The following CNTN5 variants were observed in gnomAD, a reference collection of about 807,000 sequenced individuals.
CNTN5 encodes the protein contactin-5.
In CNTN5, 77 loss-of-function variants were observed where a neutral mutation model predicts 129.1. The ratio of observed to expected loss-of-function variants is 0.60; its 90% CI spans 0.50 to 0.72. The LOEUF (loss-of-function observed/expected upper bound fraction) is 0.72. Among genes scored for constraint, CNTN5 ranks in the 30% least tolerant of loss-of-function variants. The pLI is 0.00. For synonymous variants in CNTN5, 509 were observed against 465.6 expected (o/e 1.09, Z -1.20); for missense variants, 1,478 against 1,328.8 (o/e 1.11, Z -1.75).
intron 1 of CNTN5, among the ~76,000 whole-genome samples, chr11:99,216,104 T>C (rs1860100630): frequency 6.6e-6 from 1 of 152,160 alleles, no homozygotes; most frequent in Non-Finnish European, 1.5e-5. Context: ...TATTGAGTTG[T>C]AGATATTCTT....
chr11:99,505,333 G>A (rs969387051), intron 2 of CNTN5, among the ~76,000 whole-genome samples: 2 of 152,112 alleles, frequency 1.3e-5, no homozygotes, highest in African/African-American at 4.8e-5. Flanking sequence ...GGATATAAGA[G>A]CATTGATTAT....
chr11:99,820,401 T>C (rs1295525954), intron 4 of CNTN5, among the ~76,000 whole-genome samples: 1 of 152,298 alleles, frequency 6.6e-6, no homozygotes, highest in African/African-American at 2.4e-5. Context: ...AAGATAAGTA[T>C]ATACTTAGCA....
intron 23 of CNTN5, among the ~76,000 whole-genome samples, chr11:100,349,808 GC>G (rs1952364445): frequency 6.6e-6 from 1 of 151,740 alleles, no homozygotes; most frequent in Non-Finnish European, 1.5e-5. Flanking sequence ...ATTTTTGGAG[GC>G]AAGTAATAGT....
At chr11:99,630,655 C>T (rs1320523077) in intron 3 of CNTN5, among the ~76,000 whole-genome samples, 1 of 152,208 alleles carries the variant, frequency 6.6e-6, no homozygotes, top group African/African-American at 2.4e-5. Flanking sequence ...ATTAATTCTA[C>T]GTGCTGGAGT....
chr11:99,285,015 T>A (rs962672620), intron 1 of CNTN5, among the ~76,000 whole-genome samples: 2 of 152,088 alleles, frequency 1.3e-5, no homozygotes, highest in Non-Finnish European at 2.9e-5. Flanking sequence ...ATTTTATTTT[T>A]AAAATTTTTT....
intron 2 of CNTN5, among the ~76,000 whole-genome samples, chr11:99,395,144 T>G (rs1049575933): frequency 6.6e-5 from 10 of 151,944 alleles, no homozygotes; most frequent in African/African-American, 2.4e-4. Flanking sequence ...TCAAACTAAT[T>G]TATACTCCCA....
intron 2 of CNTN5, among the ~76,000 whole-genome samples, chr11:99,538,384 C>G (rs537158398): frequency 6.6e-6 from 1 of 152,202 alleles, no homozygotes; most frequent in East Asian, 1.9e-4. Flanking sequence ...CAATCCACTT[C>G]AATGTGTTAG....
At chr11:99,589,603 T>C (rs1336332878) in intron 3 of CNTN5, among the ~76,000 whole-genome samples, 17 of 152,194 alleles carry the variant, frequency 1.1e-4, no homozygotes, top group Admixed American at 5.9e-4. Flanking sequence ...AATTCCTTCC[T>C]ATAAATATTT....
chr11:99,791,672 T>C (rs920794461), intron 3 of CNTN5, among the ~76,000 whole-genome samples: 1 of 152,208 alleles, frequency 6.6e-6, no homozygotes, highest in South Asian at 2.1e-4. Context: ...GAAAGTTTGA[T>C]ACAGACAGCA....
At chr11:99,728,488 T>A (rs1208769931) in intron 3 of CNTN5, among the ~76,000 whole-genome samples, 1 of 152,200 alleles carries the variant, frequency 6.6e-6, no homozygotes. Flanking sequence ...ATACTCAATG[T>A]TTCTAAATTT....
intron 2 of CNTN5, among the ~76,000 whole-genome samples, chr11:99,539,737 A>G (rs1948032708): frequency 6.6e-6 from 1 of 152,106 alleles, no homozygotes; most frequent in African/African-American, 2.4e-5. Context: ...AATATTGCAC[A>G]TACTTCCCAT....
intron 3 of CNTN5, among the ~76,000 whole-genome samples, chr11:99,596,025 C>T (rs542608558): frequency 2.0e-4 from 31 of 152,166 alleles, no homozygotes; most frequent in African/African-American, 4.6e-4. Flanking sequence ...ATTCAAGACA[C>T]GCTTTAAAGT....
intron 3 of CNTN5, among the ~76,000 whole-genome samples, chr11:99,601,767 T>C (rs946275495): frequency 3.9e-5 from 6 of 152,196 alleles, no homozygotes; most frequent in Non-Finnish European, 8.8e-5. Context: ...CTTTAAATTC[T>C]GTGCTGCCTG....
intron 3 of CNTN5, among the ~76,000 whole-genome samples, chr11:99,749,970 G>A (rs1446378063): frequency 6.6e-6 from 1 of 152,132 alleles, no homozygotes; most frequent in Non-Finnish European, 1.5e-5. Context: ...CTTATTGGGA[G>A]ATGGCAGAAA....
intron 3 of CNTN5, among the ~76,000 whole-genome samples, chr11:99,610,649 C>T (rs769893033): frequency 2.0e-5 from 3 of 152,088 alleles, no homozygotes; most frequent in Non-Finnish European, 2.9e-5. Context: ...TACAAGGGAA[C>T]ATGTGAAGAA....
chr11:99,466,030 C>T (rs898443811), intron 2 of CNTN5, among the ~76,000 whole-genome samples: 3 of 152,106 alleles, frequency 2.0e-5, no homozygotes, highest in Admixed American at 6.5e-5. Context: ...TACAGGTGTC[C>T]GCCACCATGC....
At chr11:99,430,518 A>C (rs10893315) in intron 2 of CNTN5, among the ~76,000 whole-genome samples, 76,725 of 149,378 alleles carry the variant, frequency 0.51, 20,004 homozygotes, top group Admixed American at 0.63. Context: ...TTCTCTCTCT[A>C]TATATATATA....
chr11:99,042,362 C>CTTTTTTTTT (rs1442841983), intron 1 of CNTN5, among the ~76,000 whole-genome samples: 29 of 120,728 alleles, frequency 2.4e-4, no homozygotes, highest in African/African-American at 8.8e-4. Flanking sequence ...CCTTCTTCTT[C>CTTTTTTTTT]TTCTTTTTTT....
chr11:100,072,296 G>A (rs1301500921), intron 12 of CNTN5, among the ~76,000 whole-genome samples: 2 of 152,044 alleles, frequency 1.3e-5, no homozygotes, highest in Non-Finnish European at 2.9e-5. Flanking sequence ...TCTCCTCATG[G>A]GGCATCAACT....
Sources: allele counts gnomAD v4.1 joint callset (sites outside exome capture counted in the v4.1 genomes callset), GRCh38; gene constraint gnomAD v4.1.1; transcripts MANE v1.5; gene names NCBI Gene and HGNC (gene_info 2026-07-23, HGNC 2026-07-21).